The following SLC10A7 variants were observed in gnomAD, a reference collection of about 807,000 sequenced individuals.
The protein encoded by SLC10A7 is sodium/bile acid cotransporter 7.
In SLC10A7, 29 loss-of-function variants were observed where a neutral mutation model predicts 43.2. The ratio of observed to expected loss-of-function variants is 0.67; its 90% CI spans 0.50 to 0.92. SLC10A7 has a LOEUF of 0.92. Ranked by LOEUF, SLC10A7 falls within the 40% of genes least tolerant of loss-of-function variation. SLC10A7 has a pLI of 0.00. For missense variants in SLC10A7, 295 were observed against 403.2 expected, an observed-to-expected ratio of 0.73 and a Z score of 2.30; for synonymous variants, 152 against 144.8, an observed-to-expected ratio of 1.05 and a Z score of -0.35.
intron 9 of SLC10A7, among the ~76,000 whole-genome samples, chr4:146,284,353 T>C (rs1046033294): frequency 3.3e-5 from 5 of 152,146 alleles, no homozygotes; most frequent in South Asian, 2.1e-4. Flanking sequence ...CTCATCCCCA[T>C]GCACGACTTT....
chr4:146,278,106 C>G (rs1729323124), intron 10 of SLC10A7, among the ~76,000 whole-genome samples: 1 of 152,038 alleles, frequency 6.6e-6, no homozygotes, highest in Non-Finnish European at 1.5e-5. Context: ...TAATCCAATG[C>G]AGTTCTGGAA....
At chr4:146,357,406 T>G (rs17021411) in intron 5 of SLC10A7, among the ~76,000 whole-genome samples, 3,234 of 152,276 alleles carry the variant, frequency 0.021, 110 homozygotes, top group African/African-American at 0.074. Context: ...AGTGGAATAC[T>G]TAAGGAACAA....
rs1434868568 is a variant in SLC10A7, at chr4:146,254,016, A to G, written c.*2475T>C. On this transcript the variant is annotated 3_prime_UTR_variant, in exon 12 of 12. Transcript: ENST00000335472. ...TGAAACATTCTTTGTTTAATCATAT[A>G]ATTATTTTCATCTTCCAGTCATCAT... The G allele has an allele frequency of 6.6e-6, 1 of 152,208 alleles. No individual in the cohort carries two copies. The highest frequency in any genetic ancestry group is 1.5e-5 in the Non-Finnish European group (1 of 68,030). The allele number at this position is 152,208 out of a possible 1,614,324, so 9.4% of individuals were successfully genotyped here.
At chr4:146,455,225 T>A (rs2149921932) in intron 4 of SLC10A7, among the ~76,000 whole-genome samples, 1 of 151,976 alleles carries the variant, frequency 6.6e-6, no homozygotes, top group South Asian at 2.1e-4. Context: ...AGAAGATCAA[T>A]GGTATCAAAG....
intron 11 of SLC10A7, among the ~76,000 whole-genome samples, chr4:146,258,285 G>A (rs1010745254): frequency 2.0e-5 from 3 of 152,156 alleles, no homozygotes; most frequent in Non-Finnish European, 4.4e-5. Flanking sequence ...AGGCAACCTG[G>A]ATAATGCCAG....
chr4:146,367,199 T>C (rs1736454405), intron 5 of SLC10A7, among the ~76,000 whole-genome samples: 1 of 152,100 alleles, frequency 6.6e-6, no homozygotes, highest in Admixed American at 6.6e-5. Context: ...TTTCAAGTAG[T>C]ATGTTAAAAT....
chr4:146,491,604 T>C (rs1215746372), intron 4 of SLC10A7, among the ~76,000 whole-genome samples: 1 of 148,616 alleles, frequency 6.7e-6, no homozygotes, highest in Admixed American at 6.8e-5. Flanking sequence ...CACAAAGTAA[T>C]TATATTTTGG....
At chr4:146,434,100 T>A (rs1205034373) in intron 5 of SLC10A7, among the ~76,000 whole-genome samples, 1 of 151,934 alleles carries the variant, frequency 6.6e-6, no homozygotes, top group African/African-American at 2.4e-5. Flanking sequence ...AATCAAGTTA[T>A]CAGAGTAGAA....
chr4:146,384,605 A>G (rs1737858897), intron 5 of SLC10A7, among the ~76,000 whole-genome samples: 1 of 152,128 alleles, frequency 6.6e-6, no homozygotes, highest in African/African-American at 2.4e-5. Context: ...CACACTATGT[A>G]TATATAGGGA....
intron 5 of SLC10A7, among the ~76,000 whole-genome samples, chr4:146,332,125 T>G (rs947859372): frequency 2.0e-5 from 3 of 152,178 alleles, no homozygotes; most frequent in African/African-American, 7.2e-5. Context: ...TACTTTCCCC[T>G]TTACAACTAG....
At chr4:146,460,555 T>C (rs773735044) in intron 4 of SLC10A7, among the ~76,000 whole-genome samples, 1 of 151,990 alleles carries the variant, frequency 6.6e-6, no homozygotes, top group East Asian at 1.9e-4. Context: ...AAAAGCACTC[T>C]GCTAAGTAAA....
At chr4:146,343,024 T>TA (rs1435567639) in intron 5 of SLC10A7, among the ~76,000 whole-genome samples, 1 of 151,938 alleles carries the variant, frequency 6.6e-6, no homozygotes, top group Non-Finnish European at 1.5e-5. Context: ...GTTAAGCTAT[T>TA]AAAAAATCTT....
chr4:146,265,505 T>G (rs911328376), intron 10 of SLC10A7, among the ~76,000 whole-genome samples: 7 of 152,244 alleles, frequency 4.6e-5, no homozygotes, highest in African/African-American at 1.7e-4. Context: ...TTTGGAAGAA[T>G]GAAGCCACTC....
chr4:146,491,493 G>T (rs546004983), intron 4 of SLC10A7, among the ~76,000 whole-genome samples: 6 of 151,808 alleles, frequency 4.0e-5, no homozygotes, highest in Non-Finnish European at 8.8e-5. Flanking sequence ...ATTTTTCCAA[G>T]ATTGGAGAGA....
At chr4:146,490,298 G>A (rs577688911) in intron 4 of SLC10A7, among the ~76,000 whole-genome samples, 1 of 152,228 alleles carries the variant, frequency 6.6e-6, no homozygotes, top group African/African-American at 2.4e-5. Context: ...TTGCGCAAAT[G>A]CAATGAGTAT....
At chr4:146,355,773 G>T (rs1164089035) in intron 5 of SLC10A7, among the ~76,000 whole-genome samples, 2 of 147,924 alleles carry the variant, frequency 1.4e-5, no homozygotes, top group Non-Finnish European at 3.0e-5. Flanking sequence ...ATCATTCTCA[G>T]TAAACTATCG....
At chr4:146,327,518 C>T (rs1238618819) in intron 5 of SLC10A7, among the ~76,000 whole-genome samples, 5 of 152,094 alleles carry the variant, frequency 3.3e-5, no homozygotes, top group Non-Finnish European at 7.4e-5. Flanking sequence ...TACAGGGCCA[C>T]ATAAAAATGA....
At chr4:146,315,081 A>G (rs1290940481) in intron 6 of SLC10A7, among the ~76,000 whole-genome samples, 6 of 152,132 alleles carry the variant, frequency 3.9e-5, no homozygotes, top group African/African-American at 1.4e-4. Context: ...GGGAGAAAGT[A>G]TAAGTTAACT....
intron 5 of SLC10A7, among the ~76,000 whole-genome samples, chr4:146,380,372 A>G (rs1041412569): frequency 6.6e-6 from 1 of 152,176 alleles, no homozygotes; most frequent in Non-Finnish European, 1.5e-5. Flanking sequence ...TTGTACTTGC[A>G]AAACATGGTT....
Sources: gnomAD v4.1 joint callset for allele counts (sites outside exome capture counted in the v4.1 genomes callset) on GRCh38, gnomAD v4.1.1 for gene constraint, MANE v1.5 for transcripts, NCBI Gene and HGNC (gene_info 2026-07-23, HGNC 2026-07-21) for gene names.